Variants in B4GALNT2 observed in about 807,000 individuals in gnomAD.
B4GALNT2 encodes the protein beta-1,4-N-acetyl-galactosaminyltransferase 2 (SID blood group), also known as N-acetylneuraminylgalactosylglucosyl-glucoside beta-1,4-N- acetylgalactosaminyltransferase 2.
B4GALNT2 carries 42 observed loss-of-function variants against 51.1 expected under a neutral mutation model. That is an observed-to-expected ratio of 0.82 (90% CI 0.64 to 1.06). The LOEUF (loss-of-function observed/expected upper bound fraction) is 1.06. B4GALNT2 is among the 50% of genes least tolerant of loss of function. B4GALNT2 has a pLI of 0.00. For missense variants in B4GALNT2, 602 were observed against 633.6 expected (o/e 0.95, Z 0.54); for synonymous variants, 253 against 251.7 (o/e 1.01, Z -0.05).
chr17:49,148,089 TGAG>T, intron 3 of B4GALNT2, among the ~76,000 whole-genome samples: 1 of 151,910 alleles, frequency 6.6e-6, no homozygotes, highest in South Asian at 2.1e-4. Context: ...GTGGATCACC[TGAG>T]GTCAGAAGCC....
chr17:49,150,041 T>C (rs2042733699), intron 3 of B4GALNT2, among the ~76,000 whole-genome samples: 1 of 151,732 alleles, frequency 6.6e-6, no homozygotes, highest in Non-Finnish European at 1.5e-5. Flanking sequence ...CCTGTTTATG[T>C]TCTTTACCAT....
In B4GALNT2 at chr17:49,170,448, C is replaced by T. The variant is rs926895017; in HGVS notation, c.*720C>T. On this transcript the variant is annotated 3_prime_UTR_variant, in exon 11 of 11. Coordinates refer to ENST00000393354, the MANE Select transcript of B4GALNT2 (RefSeq NM_001159387.2). Reference sequence around the variant, plus strand: ...GCATCAGACTCACTCCAGACCTGTTCCAGAATGCCAGGGATTGAACTCAGA... The same window carrying T: ...GCATCAGACTCACTCCAGACCTGTTTCAGAATGCCAGGGATTGAACTCAGA... 1 of 152,302 alleles carries T rather than the reference C, an allele frequency of 6.6e-6. No homozygotes were observed. Among genetic ancestry groups the T allele is most frequent in the Non-Finnish European group, 1.5e-5 (1 of 68,112 alleles). 9.4% of individuals were successfully genotyped at this position (152,302 alleles called of 1,614,324 possible).
chr17:49,121,216 T>A, the B4GALNT2 span, among the ~76,000 whole-genome samples: 1 of 152,188 alleles, frequency 6.6e-6, no homozygotes, highest in Non-Finnish European at 1.5e-5. Flanking sequence ...CGCAAGGCTC[T>A]GGGAGCAGAG....
At position 49,163,217 on chromosome 17, in the gene B4GALNT2, T is replaced by C. The variant is rs577471861; in HGVS notation, c.767-871T>C. ...CTTAGGAAAGCTGTCCCCTCTCCAG[T>C]CTCTTATACGTCACATGCCTTAAGA... is the stretch of plus-strand genomic sequence containing the variant. On this transcript the variant is annotated intron_variant, in intron 7 of 10. Coordinates refer to ENST00000393354, the MANE Select transcript of B4GALNT2 (RefSeq NM_001159387.2). Among the ~76,000 whole-genome samples the C allele has an allele frequency of 2.0e-5, 3 of 152,274 alleles. No individual in the cohort carries two copies. The East Asian group carries it at 5.8e-4, about 29-fold the overall frequency.
rs750836784 is a variant in B4GALNT2 at position 49,132,818 on chromosome 17, C to T, written c.14+12C>T. The T allele has an allele frequency of 1.5e-6, 2 of 1,369,926 alleles. No individual in the cohort carries two copies. Among genetic ancestry groups the T allele is most frequent in the South Asian group, 1.8e-5 (1 of 54,312 alleles). The allele number at this position is 1,369,926 out of a possible 1,614,324, so 84.9% of individuals were successfully genotyped here. A position where few individuals can be genotyped will look rare whatever the true frequency, so the allele number is the denominator to read the frequency against. ...ATGACTTCGGGCGGGTGAGTGTCCC[C>T]GGGGCAGAGCAGAGCGAGAGGTGAA... On this transcript the variant is annotated intron_variant, in intron 1 of 10. Coordinates refer to ENST00000393354, the MANE Select transcript of B4GALNT2 (RefSeq NM_001159387.2).
At chr17:49,133,155 G>T in intron 1 of B4GALNT2, 1 of 1,532,650 alleles carries the variant, frequency 6.5e-7, no homozygotes, top group Non-Finnish European at 8.7e-7. Context: ...TCTCTGCTTG[G>T]AACTCAGAGG....
chr17:49,153,507 A>ATT (rs569207630), intron 4 of B4GALNT2, among the ~76,000 whole-genome samples: 265 of 145,986 alleles, frequency 1.8e-3, no homozygotes, highest in African/African-American at 4.8e-3. Context: ...GCTTGATGTG[A>ATT]TTTTTTTTTT....
At chr17:49,143,232 G>C (rs2042661434) in intron 3 of B4GALNT2, among the ~76,000 whole-genome samples, 1 of 151,802 alleles carries the variant, frequency 6.6e-6, no homozygotes, top group Non-Finnish European at 1.5e-5. Flanking sequence ...CTGAGCAACA[G>C]AGCAAGACTC....
intron 3 of B4GALNT2, among the ~76,000 whole-genome samples, chr17:49,145,902 C>T (rs946448849): frequency 6.6e-6 from 1 of 152,176 alleles, no homozygotes; most frequent in African/African-American, 2.4e-5. Flanking sequence ...GCAATATTAA[C>T]TTCCACTTTA....
intron 8 of B4GALNT2, among the ~76,000 whole-genome samples, chr17:49,165,133 G>A (rs139931885): frequency 8.0e-4 from 121 of 152,080 alleles, no homozygotes; most frequent in Non-Finnish European, 5.1e-4. Context: ...CCTCATTTCC[G>A]ATGTGGAAAT....
Position 49,174,273 on chromosome 17 carries a change from A to AT in B4GALNT2, c.*4551dup, listed in dbSNP as rs1426482984. 1 of 152,168 alleles carries AT rather than the reference A, an allele frequency of 6.6e-6. No homozygotes were observed. Among genetic ancestry groups the AT allele is most frequent in the African/African-American group, 2.4e-5 (1 of 41,434 alleles). 9.4% of individuals were successfully genotyped at this position (152,168 alleles called of 1,614,324 possible). A position where few individuals can be genotyped will look rare whatever the true frequency, so the allele number is the denominator to read the frequency against. On this transcript the variant is annotated 3_prime_UTR_variant, in exon 11 of 11. Coordinates refer to ENST00000393354, the MANE Select transcript of B4GALNT2 (RefSeq NM_001159387.2). The stretch of plus-strand genomic sequence containing the variant: ...TAATGAATAATGTAACACTGTGAAA[A>AT]TTTTTTATGAGTAGGTTCAATTGTT...
At chr17:49,123,304 A>C in the B4GALNT2 span, among the ~76,000 whole-genome samples, 1 of 152,254 alleles carries the variant, frequency 6.6e-6, no homozygotes. Context: ...GCTTATAGGC[A>C]GCACCTGCTC....
At chr17:49,128,028 A>G (rs1709145640), upstream of B4GALNT2, among the ~76,000 whole-genome samples, 1 of 152,206 alleles carries the variant, frequency 6.6e-6, no homozygotes, top group Non-Finnish European at 1.5e-5. Context: ...TTGGATATCC[A>G]TTTTAATTAA....
intron 3 of B4GALNT2, chr17:49,148,300 GAA>G: frequency 3.7e-5 from 12 of 325,226 alleles, no homozygotes; most frequent in Middle Eastern, 1.1e-3. Context: ...ATCCTGTCTC[GAA>G]AAAAAAATAA....
Position 49,141,263 on chromosome 17 carries a change from C to T in B4GALNT2, c.31C>T (p.Leu11Phe). The T allele has an allele frequency of 6.2e-7, 1 of 1,613,926 alleles. No individual in the cohort carries two copies. Among genetic ancestry groups the T allele is most frequent in the Non-Finnish European group, 8.5e-7 (1 of 1,179,820 alleles). ...TCCCAACAGCTCGAGATTTCTGTGG[C>T]TCCTCAAGATATTGGTCATAATCCT... MTSGGSRFLW[L>F]LKILVIILVL... The change falls in exon 2 of 11, where the codon CTC (leucine) becomes TTC (phenylalanine). Residue 11 changes from leucine (L) to phenylalanine (F), a missense_variant. Transcript: ENST00000393354.
chr17:49,120,866 C>A, the B4GALNT2 span, among the ~76,000 whole-genome samples: 1 of 151,992 alleles, frequency 6.6e-6, no homozygotes, highest in African/African-American at 2.4e-5. Context: ...ATAAGCTTCA[C>A]GCCTCACTGA....
chr17:49,164,041 A>G, intron 7 of B4GALNT2, 47 bp from the exon 8 acceptor site: 1 of 1,554,558 alleles, frequency 6.4e-7, no homozygotes, highest in Non-Finnish European at 8.8e-7. Context: ...AAAGACAGTG[A>G]AGCTTCCTAC....
chr17:49,141,076 T>C (rs1213110735), intron 1 of B4GALNT2, among the ~76,000 whole-genome samples, 171 bp from the exon 2 acceptor site: 1 of 151,952 alleles, frequency 6.6e-6, no homozygotes, highest in Non-Finnish European at 1.5e-5. Flanking sequence ...TTTTTCTAAG[T>C]CCCTTTGTTG....
At chr17:49,127,195 CAAGATTAGAAGTTAGGTATTTCACTAA>C in the B4GALNT2 span, among the ~76,000 whole-genome samples, 1 of 152,024 alleles carries the variant, frequency 6.6e-6, no homozygotes, top group African/African-American at 2.4e-5. Flanking sequence ...TCTTTAATTT[CAAGATTAGAAGTTAGGTATTTCACTAA>C]ACAGTTCAAG....
Sources: gnomAD v4.1 joint callset for allele counts (sites outside exome capture counted in the v4.1 genomes callset) on GRCh38, gnomAD v4.1.1 for gene constraint, MANE v1.5 for transcripts, NCBI Gene and HGNC (gene_info 2026-07-23, HGNC 2026-07-21) for gene names.